Variants in DAB2 observed in about 807,000 individuals in gnomAD.
DAB2 encodes disabled homolog 2.
Under a neutral mutation model 71.6 loss-of-function variants are expected in DAB2, and 28 were observed. The observed-to-expected ratio is 0.39, with a 90% confidence interval of 0.29 to 0.54. The LOEUF is 0.54. DAB2 is among the 20% of genes least tolerant of loss of function. The pLI is 0.68. For synonymous variants in DAB2, 345 were observed against 339.7 expected (o/e 1.02, Z -0.17); for missense variants, 867 against 928.8 (o/e 0.93, Z 0.86).
intron 1 of DAB2, among the ~76,000 whole-genome samples, chr5:39,398,654 T>C (rs955187679): frequency 2.6e-5 from 4 of 152,222 alleles, no homozygotes; most frequent in African/African-American, 7.2e-5. Flanking sequence ...TAGACTCTGC[T>C]TACAGGCCCC....
In DAB2 at chr5:39,382,845, G is replaced by A. The variant is rs757391390; in HGVS notation, c.1114C>T (p.Gln372Ter). The change falls in exon 10 of 15, where the codon CAG becomes TAG. Residue 372 changes from glutamine (Q) to a stop codon, truncating the protein, a stop_gained. Transcript: ENST00000320816. LOFTEE classifies it high-confidence loss of function. Reference protein sequence around the residue: ...GPWPFSSSQTQPAVRTQNGVS... With the variant: ...GPWPFSSSQT ...CCATTTTGAGTTCTCACTGCTGGCT[G>A]GGTTTGCGAACTTGAAAAGGGCCAT... The A allele has an allele frequency of 6.2e-7, 1 of 1,614,000 alleles. No homozygotes were observed. The highest frequency in any genetic ancestry group is 1.3e-5 in the African/African-American group (1 of 74,916).
rs1329164298 is a variant in DAB2, at chr5:39,381,472, C to A, written c.1486G>T (p.Gly496Trp). ...LFKTSAPAPV[G>W]PLVGLGGVTV... Reference sequence around the variant, plus strand: ...CACCTACCTAGACCCACCAGGGGCCCCACTGGGGCAGGAGCACTTGTTTTG... The same window carrying A: ...CACCTACCTAGACCCACCAGGGGCCACACTGGGGCAGGAGCACTTGTTTTG... Residue 496 changes from glycine to tryptophan, a missense_variant, in exon 11 of 15, where the codon GGG (glycine) becomes TGG (tryptophan). Physicochemically the swap from Gly to Trp is radical, Grantham distance 184 (BLOSUM62 -2). Around this residue, in one of 2 missense-constraint regions of DAB2, gnomAD observed 740 missense variants for 734.3 expected, o/e 1.01. Transcript: ENST00000320816. 7 of 1,613,974 alleles carry A rather than the reference C, an allele frequency of 4.3e-6. No individual in the cohort carries two copies. Among genetic ancestry groups the A allele is most frequent in the Middle Eastern group, 1.7e-4 (1 of 6,060 alleles).
At chr5:39,419,066 A>C (rs917757339) in intron 1 of DAB2, among the ~76,000 whole-genome samples, 2 of 152,164 alleles carry the variant, frequency 1.3e-5, no homozygotes, top group Non-Finnish European at 2.9e-5. Flanking sequence ...ATACTTGTAC[A>C]TCACACCCTT....
At chr5:39,376,347 T>C (rs889133344) in intron 12 of DAB2, among the ~76,000 whole-genome samples, 1 of 152,214 alleles carries the variant, frequency 6.6e-6, no homozygotes, top group African/African-American at 2.4e-5. Flanking sequence ...TGATGGGACA[T>C]GGATGACGCC....
chr5:39,398,791 T>A (rs185318914), intron 1 of DAB2, among the ~76,000 whole-genome samples: 169 of 152,290 alleles, frequency 1.1e-3, no homozygotes, highest in African/African-American at 3.6e-3. Flanking sequence ...AAAGAGCACG[T>A]CCCCATCATA....
At chr5:39,398,334 G>A (rs1435163000) in intron 1 of DAB2, among the ~76,000 whole-genome samples, 2 of 152,104 alleles carry the variant, frequency 1.3e-5, no homozygotes, top group Non-Finnish European at 2.9e-5. Context: ...ATTCTAAGGT[G>A]AGTGGCATTA....
intron 1 of DAB2, 22 bp from the exon 2 acceptor site, chr5:39,394,443 A>G: frequency 1.4e-6 from 1 of 739,176 alleles, no homozygotes; most frequent in South Asian, 1.6e-5. Flanking sequence ...GTTTAGAGGC[A>G]TATTGAGATC....
chr5:39,389,277 T>C (rs1434910375), intron 6 of DAB2, among the ~76,000 whole-genome samples, 154 bp from the exon 7 acceptor site: 2 of 152,164 alleles, frequency 1.3e-5, no homozygotes, highest in Admixed American at 1.3e-4. Context: ...TTCATATCAA[T>C]ATAAGGTTTG....
At chr5:39,407,472 A>AT (rs908809430) in intron 1 of DAB2, among the ~76,000 whole-genome samples, 6 of 152,214 alleles carry the variant, frequency 3.9e-5, no homozygotes, top group Admixed American at 1.3e-4. Flanking sequence ...AAGTGCTGGG[A>AT]TTACAGGCGT....
chr5:39,396,768 G>A (rs144777498), intron 1 of DAB2, among the ~76,000 whole-genome samples: 6 of 152,220 alleles, frequency 3.9e-5, no homozygotes, highest in African/African-American at 1.4e-4. Context: ...CCAGTTTGGG[G>A]AGAGGGTGAG....
intron 1 of DAB2, among the ~76,000 whole-genome samples, chr5:39,403,716 A>ATC (rs1755550824): frequency 7.4e-6 from 1 of 135,298 alleles, no homozygotes; most frequent in Non-Finnish European, 1.6e-5. Flanking sequence ...TTTTTTTGGA[A>ATC]TTTTTTTTTT....
chr5:39,382,962 T>A lies in DAB2; in HGVS notation c.997A>T (p.Asn333Tyr), dbSNP rs200561912. Residue 333 changes from asparagine (N) to tyrosine (Y), a missense_variant, in exon 10 of 15, where the codon AAT (asparagine) becomes TAT (tyrosine). Asn to Tyr is a moderately radical substitution (Grantham distance 143). Around this residue, in one of 2 missense-constraint regions of DAB2, gnomAD observed 740 missense variants for 734.3 expected, o/e 1.01. Coordinates refer to ENST00000320816, the MANE Select transcript of DAB2 (RefSeq NM_001343.4). ...TCAACATCACCATTCAGGGGCCCAT[T>A]ACTCAGCGGAGTAGACGAGCTACTC... is the stretch of plus-strand genomic sequence containing the variant. ...NSSSSSTPLS[N>Y]GPLNGDVDYF... 6.2e-7 allele frequency: 1 copy of A among 1,614,142 alleles called. No individual in the cohort carries two copies. The highest frequency in any genetic ancestry group is 1.7e-5 in the Admixed American group (1 of 60,016).
At chr5:39,390,360 C>T in intron 5 of DAB2, 84 bp downstream of exon 5, 1 of 1,462,180 alleles carries the variant, frequency 6.8e-7, no homozygotes, top group Non-Finnish European at 9.2e-7. Flanking sequence ...CAATTATTTC[C>T]AGTAAATCTT....
rs118175406 is a variant in DAB2 at position 39,409,848 on chromosome 5, T to G, written c.-102+14956A>C. Among the ~76,000 whole-genome samples the G allele has an allele frequency of 2.4e-3, 358 of 152,292 alleles. 15 individuals are homozygous for G. In the East Asian group the frequency reaches 0.054, roughly 23 times the overall value. On this transcript the variant is annotated intron_variant, in intron 1 of 14. Coordinates refer to ENST00000320816, the MANE Select transcript of DAB2 (RefSeq NM_001343.4). ...CTTTTCACAAGTCATTTAGATGACC[T>G]CTACAGATAAGATTAAAGTGAATGA...
In DAB2 at chr5:39,394,345, C is replaced by A; in HGVS notation, c.-25G>T. 1.9e-6 allele frequency: 3 copies of A among 1,578,088 alleles called. No homozygotes were observed. The highest frequency in any genetic ancestry group is 1.1e-5 in the South Asian group (1 of 90,268). On this transcript the variant is annotated 5_prime_UTR_variant, in exon 2 of 15. Coordinates refer to ENST00000320816, the MANE Select transcript of DAB2 (RefSeq NM_001343.4). Reference sequence around the variant, plus strand: ...TGGCAAGAAGGCAGGCAGCAAACCTCAGTACCAGTGGACACTTGGTGACAC... The same window carrying A: ...TGGCAAGAAGGCAGGCAGCAAACCTAAGTACCAGTGGACACTTGGTGACAC...
Position 39,381,592 on chromosome 5 carries a change from A to T in DAB2, c.1366T>A (p.Ser456Thr). ...GAGACGGGAGGAGCAAAGATGTCTGATGCAAGCAAGTCATTGGCTGAAGAC... is the reference window on the plus strand; with the variant it reads ...GAGACGGGAGGAGCAAAGATGTCTGTTGCAAGCAAGTCATTGGCTGAAGAC... ...AKSSANDLLASDIFAPPVSEP... is the reference protein window; with the variant it reads ...AKSSANDLLATDIFAPPVSEP... The change falls in exon 11 of 15, where the codon TCA becomes ACA. Residue 456 changes from serine to threonine, a missense_variant. Transcript: ENST00000320816. The T allele has an allele frequency of 6.2e-7, 1 of 1,614,010 alleles. No individual in the cohort carries two copies. The highest frequency in any genetic ancestry group is 1.7e-5 in the Admixed American group (1 of 60,006).
chr5:39,398,388 T>C (rs1217516691), intron 1 of DAB2, among the ~76,000 whole-genome samples: 2 of 152,226 alleles, frequency 1.3e-5, no homozygotes, highest in African/African-American at 4.8e-5. Flanking sequence ...TGTTCAGATA[T>C]TTAAATACAG....
At chr5:39,414,385 A>C (rs1755800249) in intron 1 of DAB2, among the ~76,000 whole-genome samples, 1 of 152,136 alleles carries the variant, frequency 6.6e-6, no homozygotes, top group African/African-American at 2.4e-5. Context: ...TATTTTCTCA[A>C]ATTTTATTAG....
Position 39,394,365 on chromosome 5 carries a change from T to C in DAB2, c.-45A>G, listed in dbSNP as rs1426741904. 1 of 1,432,840 alleles carries C rather than the reference T, an allele frequency of 7.0e-7. No homozygotes were observed. Among genetic ancestry groups the C allele is most frequent in the Admixed American group, 1.7e-5 (1 of 59,740 alleles). 88.8% of individuals were successfully genotyped at this position (1,432,840 alleles called of 1,614,324 possible). A position where few individuals can be genotyped will look rare whatever the true frequency, so the allele number is the denominator to read the frequency against. On this transcript the variant is annotated 5_prime_UTR_variant, in exon 2 of 15. Coordinates refer to ENST00000320816, the MANE Select transcript of DAB2 (RefSeq NM_001343.4). ...AACCTCAGTACCAGTGGACACTTGGTGACACCAGGCGATCCCGATGGAGAA... is the reference window on the plus strand; with the variant it reads ...AACCTCAGTACCAGTGGACACTTGGCGACACCAGGCGATCCCGATGGAGAA...
Sources: gnomAD v4.1 joint callset for allele counts (sites outside exome capture counted in the v4.1 genomes callset) on GRCh38, gnomAD v4.1.1 for gene constraint, gnomAD v4.1.1 regional missense constraint, MANE v1.5 for transcripts, NCBI Gene and HGNC (gene_info 2026-07-23, HGNC 2026-07-21) for gene names.